MARCHF3: variants seen among roughly 807,000 people sequenced by gnomAD.
The protein encoded by MARCHF3 is membrane associated ring-CH-type finger 3, also known as E3 ubiquitin-protein ligase MARCHF3.
Under a neutral mutation model 24.2 loss-of-function variants are expected in MARCHF3, and 13 were observed. The ratio of observed to expected loss-of-function variants is 0.54; its 90% CI spans 0.35 to 0.85. MARCHF3 has a LOEUF of 0.85. MARCHF3 is among the 40% of genes least tolerant of loss of function. The probability of loss-of-function intolerance (pLI) is 0.01; values close to 1 mark genes in which losing one functional copy is unlikely to be tolerated. For synonymous variants in MARCHF3, 144 were observed against 137.3 expected (o/e 1.05, Z -0.34); for missense variants, 276 against 325.0 (o/e 0.85, Z 1.16).
chr5:126,945,386 G>A (rs57434625), intron 1 of MARCHF3, among the ~76,000 whole-genome samples: 1,568 of 152,342 alleles, frequency 0.01, 26 homozygotes, highest in African/African-American at 0.034. Context: ...CATATAGGGA[G>A]GCACTTGCCA....
intron 1 of MARCHF3, among the ~76,000 whole-genome samples, chr5:127,004,318 C>T (rs1198945131): frequency 6.6e-6 from 1 of 152,132 alleles, no homozygotes; most frequent in Non-Finnish European, 1.5e-5. Flanking sequence ...ATAATGCTTG[C>T]CCATTTCCGT....
Position 126,918,000 on chromosome 5 carries a change from T to TCC in MARCHF3, c.170_171dup (p.Thr58GlyfsTer73). ...TGGTACTACCTCTGGGTGGCAAGAG[T>TCC]CCGCACTACTGTTGACAGCAGCTGC... On this transcript the variant is annotated frameshift_variant, in exon 2 of 5. Transcript: ENST00000308660. LOFTEE classifies it high-confidence loss of function. 1 of 1,613,980 alleles carries TCC rather than the reference T, an allele frequency of 6.2e-7. No homozygotes were observed. The highest frequency in any genetic ancestry group is 1.1e-5 in the South Asian group (1 of 91,060).
At chr5:126,932,282 C>T (rs1221160125) in intron 1 of MARCHF3, among the ~76,000 whole-genome samples, 1 of 152,218 alleles carries the variant, frequency 6.6e-6, no homozygotes, top group Non-Finnish European at 1.5e-5. Flanking sequence ...AAAGGTACAA[C>T]CTTGGATAAG....
chr5:126,989,149 C>T (rs1451217466), intron 1 of MARCHF3, among the ~76,000 whole-genome samples: 1 of 151,902 alleles, frequency 6.6e-6, no homozygotes, highest in Non-Finnish European at 1.5e-5. Context: ...TATCCTCGTG[C>T]ACACCTGTAC....
chr5:126,877,608 G>A (rs1188452663), intron 4 of MARCHF3, among the ~76,000 whole-genome samples: 2 of 152,194 alleles, frequency 1.3e-5, no homozygotes, highest in African/African-American at 4.8e-5. Flanking sequence ...GCCTTTCTTT[G>A]GTGGCAGCTT....
At chr5:127,004,788 G>C (rs548177992) in intron 1 of MARCHF3, among the ~76,000 whole-genome samples, 18 of 152,172 alleles carry the variant, frequency 1.2e-4, no homozygotes, top group Admixed American at 4.6e-4. Flanking sequence ...CCAGTGAAGA[G>C]TGCCTTCATT....
rs1389638009 is a variant in MARCHF3 at position 126,917,964 on chromosome 5, T to C, written c.188+20A>G. 6.2e-7 allele frequency: 1 copy of C among 1,606,718 alleles called. No individual in the cohort carries two copies. Among genetic ancestry groups the C allele is most frequent in the Non-Finnish European group, 8.5e-7 (1 of 1,175,524 alleles). On this transcript the variant is annotated intron_variant, in intron 2 of 4. Transcript: ENST00000308660. The stretch of plus-strand genomic sequence containing the variant: ...TCTCTGGATCAATTACAGATTCATT[T>C]ATTTTAATTGTGGTACTACCTCTGG...
At chr5:126,995,788 A>ATCAG (rs1751930615) in intron 1 of MARCHF3, among the ~76,000 whole-genome samples, 1 of 152,268 alleles carries the variant, frequency 6.6e-6, no homozygotes, top group Non-Finnish European at 1.5e-5. Flanking sequence ...CTAAATGGAA[A>ATCAG]TGAATGCTAA....
chr5:127,028,562 G>GTT lies in MARCHF3; in HGVS notation c.-57+1786_-57+1787dup, dbSNP rs796894152. On this transcript the variant is annotated intron_variant, in intron 1 of 4. Coordinates refer to ENST00000308660, the MANE Select transcript of MARCHF3 (RefSeq NM_178450.5). ...GCTCTGTTTACTTCTATTAAGGTAG[G>GTT]TTTTTTTTTTTTTTTGGTGCAAAAT... is the stretch of plus-strand genomic sequence containing the variant. Among the ~76,000 whole-genome samples the GTT allele has an allele frequency of 8.4e-3, 1,161 of 138,562 alleles. 10 individuals carry two copies. Among genetic ancestry groups the GTT allele is most frequent in the African/African-American group, 0.029 (1,108 of 38,112 alleles). 90.9% of individuals were successfully genotyped at this position (138,562 alleles called of 152,430 possible).
chr5:127,020,220 C>T (rs193180095), intron 1 of MARCHF3, among the ~76,000 whole-genome samples: 4 of 152,340 alleles, frequency 2.6e-5, no homozygotes, highest in Non-Finnish European at 5.9e-5. Flanking sequence ...GCCAACTCAG[C>T]TCTTATCCAA....
At chr5:126,976,850 C>T (rs577186767) in intron 1 of MARCHF3, among the ~76,000 whole-genome samples, 1 of 152,368 alleles carries the variant, frequency 6.6e-6, no homozygotes, top group East Asian at 1.9e-4. Flanking sequence ...ACACATCCTG[C>T]CTGGAAATGC....
intron 1 of MARCHF3, among the ~76,000 whole-genome samples, chr5:127,024,041 G>A (rs774873987): frequency 3.9e-5 from 6 of 152,180 alleles, no homozygotes; most frequent in Non-Finnish European, 8.8e-5. Flanking sequence ...ATGACAAGGG[G>A]TATGGGAACA....
intron 1 of MARCHF3, among the ~76,000 whole-genome samples, chr5:126,943,821 T>C (rs1016223196): frequency 3.3e-5 from 5 of 152,042 alleles, no homozygotes; most frequent in African/African-American, 1.2e-4. Context: ...TTACTCTTTT[T>C]TTTTTTGGAT....
chr5:126,935,502 A>T lies in MARCHF3; in HGVS notation c.-56-17275T>A, dbSNP rs144208107. Among the ~76,000 whole-genome samples, 854 of 151,870 alleles carry T rather than the reference A, an allele frequency of 5.6e-3. 11 individuals are homozygous for T. Among genetic ancestry groups the T allele is most frequent in the African/African-American group, 0.02 (821 of 41,418 alleles). ...CTTGGGTCTCTAGCTTGCTAGAGAAATAGATATATATGTTCCTATTGGTTC... is the reference window on the plus strand; with the variant it reads ...CTTGGGTCTCTAGCTTGCTAGAGAATTAGATATATATGTTCCTATTGGTTC... On this transcript the variant is annotated intron_variant, in intron 1 of 4. Coordinates refer to ENST00000308660, the MANE Select transcript of MARCHF3 (RefSeq NM_178450.5).
At chr5:126,997,775 T>C (rs1307317097) in intron 1 of MARCHF3, among the ~76,000 whole-genome samples, 1 of 152,218 alleles carries the variant, frequency 6.6e-6, no homozygotes, top group African/African-American at 2.4e-5. Flanking sequence ...TAAATAATAA[T>C]TCTCATTGCC....
chr5:126,927,895 T>C (rs922656550), intron 1 of MARCHF3, among the ~76,000 whole-genome samples: 6 of 152,176 alleles, frequency 3.9e-5, no homozygotes, highest in Non-Finnish European at 5.9e-5. Context: ...AACTTTATAT[T>C]GAGACTGAAT....
chr5:126,919,757 G>T (rs1451385043), intron 1 of MARCHF3, among the ~76,000 whole-genome samples: 1 of 152,206 alleles, frequency 6.6e-6, no homozygotes, highest in African/African-American at 2.4e-5. Flanking sequence ...CCTTGCTGCT[G>T]AGGTGTCTGG....
intron 1 of MARCHF3, among the ~76,000 whole-genome samples, chr5:126,955,123 T>C (rs1279001385): frequency 6.6e-6 from 1 of 152,254 alleles, no homozygotes; most frequent in Non-Finnish European, 1.5e-5. Context: ...TCAACTGTTA[T>C]GTGGGTTCCA....
chr5:126,963,584 A>G (rs911475374), intron 1 of MARCHF3, among the ~76,000 whole-genome samples: 1 of 152,240 alleles, frequency 6.6e-6, no homozygotes, highest in Non-Finnish European at 1.5e-5. Flanking sequence ...TTATACTTTG[A>G]GCTAAGACAA....
Sources: allele counts gnomAD v4.1 joint callset (sites outside exome capture counted in the v4.1 genomes callset), GRCh38; gene constraint gnomAD v4.1.1; transcripts MANE v1.5; gene names NCBI Gene and HGNC (gene_info 2026-07-23, HGNC 2026-07-21).